XDH: variants seen among roughly 807,000 people sequenced by gnomAD.
The protein encoded by XDH is xanthine dehydrogenase, also known as xanthine dehydrogenase/oxidase.
Under a neutral mutation model 156.1 loss-of-function variants are expected in XDH, and 138 were observed. That is an observed-to-expected ratio of 0.88 (90% CI 0.77 to 1.02). XDH has a LOEUF of 1.02. Ranked by LOEUF, XDH falls within the 50% of genes least tolerant of loss-of-function variation. The pLI, the probability that XDH is intolerant of heterozygous loss-of-function variation, is 0.00. For synonymous variants in XDH, 669 were observed against 625.7 expected, an observed-to-expected ratio of 1.07 and a Z score of -1.03; for missense variants, 1,849 against 1,684.9, an observed-to-expected ratio of 1.10 and a Z score of -1.71.
At chr2:31,375,599 C>T (rs1333516186) in intron 14 of XDH, 45 bp from the exon 15 acceptor site, 1 of 1,600,342 alleles carries the variant, frequency 6.2e-7, no homozygotes, top group Admixed American at 1.7e-5. Flanking sequence ...CCCAGCCCTC[C>T]AGACCCCTTT....
chr2:31,386,369 C>T, intron 9 of XDH, 45 bp downstream of exon 9: 3 of 1,605,636 alleles, frequency 1.9e-6, no homozygotes, highest in Non-Finnish European at 2.5e-6. Flanking sequence ...CTAGAAACAC[C>T]CCCAGACCCC....
intron 34 of XDH, among the ~76,000 whole-genome samples, chr2:31,338,939 G>A (rs1685047096): frequency 6.6e-6 from 1 of 151,752 alleles, no homozygotes; most frequent in Non-Finnish European, 1.5e-5. Flanking sequence ...TGCCCAGGCT[G>A]GTCTCGAACT....
At chr2:31,379,140 A>T (rs1047766111) in intron 13 of XDH, among the ~76,000 whole-genome samples, 1 of 152,072 alleles carries the variant, frequency 6.6e-6, no homozygotes, top group Non-Finnish European at 1.5e-5. Context: ...ATGTGTTCTG[A>T]GCTGGTAGCT....
At chr2:31,401,557 G>A (rs1295216618) in intron 3 of XDH, among the ~76,000 whole-genome samples, 1 of 152,158 alleles carries the variant, frequency 6.6e-6, no homozygotes, top group Non-Finnish European at 1.5e-5. Flanking sequence ...AGTACTGTGG[G>A]ATCAGGCATC....
Position 31,339,475 on chromosome 2 carries a change from C to A in XDH, c.3774+14G>T. 1 of 1,613,714 alleles carries A rather than the reference C, an allele frequency of 6.2e-7. No individual in the cohort carries two copies. The highest frequency in any genetic ancestry group is 8.5e-7 in the Non-Finnish European group (1 of 1,180,038). On this transcript the variant is annotated intron_variant, in intron 34 of 35. Coordinates refer to ENST00000379416, the MANE Select transcript of XDH (RefSeq NM_000379.4). Reference sequence around the variant, plus strand: ...CAGATCAGAAGAGACAGCACAGAGCCAGAGCAATGGTACCTTCGATGCATA... The same window carrying A: ...CAGATCAGAAGAGACAGCACAGAGCAAGAGCAATGGTACCTTCGATGCATA...
chr2:31,400,748 T>C (rs1392724449), intron 4 of XDH, among the ~76,000 whole-genome samples: 1 of 152,234 alleles, frequency 6.6e-6, no homozygotes, highest in Non-Finnish European at 1.5e-5. Context: ...AGAGGAGGCC[T>C]AGCAGTTTAC....
At chr2:31,339,292 A>C (rs919701370) in intron 34 of XDH, among the ~76,000 whole-genome samples, 197 bp downstream of exon 34, 1 of 152,076 alleles carries the variant, frequency 6.6e-6, no homozygotes, top group African/African-American at 2.4e-5. Context: ...GCTCTCCTCA[A>C]CCCAATTTAA....
chr2:31,360,052 T>C (rs200321287), intron 24 of XDH, among the ~76,000 whole-genome samples: 2 of 152,252 alleles, frequency 1.3e-5, no homozygotes, highest in East Asian at 3.8e-4. Context: ...TCCCATTGGC[T>C]ACCTGCTCCT....
chr2:31,394,342 C>T (rs899030342), intron 6 of XDH, among the ~76,000 whole-genome samples: 1 of 152,188 alleles, frequency 6.6e-6, no homozygotes, highest in African/African-American at 2.4e-5. Flanking sequence ...AAGTATTTCT[C>T]TCCATGCCTC....
At chr2:31,409,001 A>C (rs1374278897) in intron 1 of XDH, among the ~76,000 whole-genome samples, 1 of 152,226 alleles carries the variant, frequency 6.6e-6, no homozygotes, top group African/African-American at 2.4e-5. Flanking sequence ...GGATGGATGG[A>C]GCTGGAGGTC....
chr2:31,371,819 T>C (rs1558691786), intron 17 of XDH, among the ~76,000 whole-genome samples: 1 of 152,182 alleles, frequency 6.6e-6, no homozygotes, highest in Non-Finnish European at 1.5e-5. Context: ...TGATTCCTAG[T>C]CCACACAGTG....
At chr2:31,353,122 T>C (rs1467609711) in intron 24 of XDH, among the ~76,000 whole-genome samples, 1 of 151,124 alleles carries the variant, frequency 6.6e-6, no homozygotes, top group African/African-American at 2.4e-5. Flanking sequence ...ACCACCAAAA[T>C]AAATTTGTTA....
chr2:31,383,568 A>G (rs1195753640), intron 10 of XDH, among the ~76,000 whole-genome samples, 187 bp downstream of exon 10: 2 of 151,102 alleles, frequency 1.3e-5, no homozygotes, highest in African/African-American at 2.4e-5. Context: ...GCCCACTGGC[A>G]CCCTACCATG....
At chr2:31,380,185 C>T (rs547181919) in intron 12 of XDH, among the ~76,000 whole-genome samples, 2 of 152,326 alleles carry the variant, frequency 1.3e-5, no homozygotes, top group African/African-American at 4.8e-5. Context: ...CTTTAACAAC[C>T]AGTTCCGTGT....
rs1686036116 is a variant in XDH at position 31,370,240 on chromosome 2, G to A, written c.1980+115C>T. The A allele has an allele frequency of 2.4e-6, 3 of 1,244,088 alleles. No individual in the cohort carries two copies. The South Asian group carries it at 3.8e-5, about 16-fold the overall frequency. The allele number at this position is 1,244,088 out of a possible 1,614,324, so 77.1% of individuals were successfully genotyped here. A position where few individuals can be genotyped will look rare whatever the true frequency, so the allele number is the denominator to read the frequency against. Reference sequence around the variant, plus strand: ...CTGAATATGGGCCAACTGGATGATGGCCATAATCCATGCAAATGTATAACC... The same window carrying A: ...CTGAATATGGGCCAACTGGATGATGACCATAATCCATGCAAATGTATAACC... On this transcript the variant is annotated intron_variant, in intron 18 of 35. Transcript: ENST00000379416.
At chr2:31,350,248 G>A (rs1685432148) in intron 24 of XDH, 25 bp from the exon 25 acceptor site, 5 of 1,613,770 alleles carry the variant, frequency 3.1e-6, no homozygotes, top group Middle Eastern at 3.3e-4. Context: ...ACAAAAATGG[G>A]AGAGAACAGT....
At chr2:31,373,760 G>T in intron 16 of XDH, 113 bp downstream of exon 16, 1 of 1,050,416 alleles carries the variant, frequency 9.5e-7, no homozygotes, top group Non-Finnish European at 1.4e-6. Context: ...AGAGTAAGGA[G>T]TTTTATGGAC....
chr2:31,392,321 T>C (rs1396753237), intron 6 of XDH, among the ~76,000 whole-genome samples: 3 of 151,978 alleles, frequency 2.0e-5, no homozygotes, highest in African/African-American at 7.2e-5. Context: ...CAAATTTTAT[T>C]TTTCTTCAGC....
At chr2:31,411,210 C>T (rs206807) in intron 1 of XDH, among the ~76,000 whole-genome samples, 4 of 149,264 alleles carry the variant, frequency 2.7e-5, no homozygotes, top group African/African-American at 5.0e-5. Context: ...TGAACCCAGG[C>T]GGCAAGGTTG....
Sources: gnomAD v4.1 joint callset for allele counts (sites outside exome capture counted in the v4.1 genomes callset) on GRCh38, gnomAD v4.1.1 for gene constraint, MANE v1.5 for transcripts, NCBI Gene and HGNC (gene_info 2026-07-23, HGNC 2026-07-21) for gene names.